IL17RE: variants seen among roughly 807,000 people sequenced by gnomAD.
The protein encoded by IL17RE is interleukin-17 receptor E.
In IL17RE, 47 loss-of-function variants were observed where a neutral mutation model predicts 70.7. The ratio of observed to expected loss-of-function variants is 0.67; its 90% CI spans 0.53 to 0.85. The LOEUF (loss-of-function observed/expected upper bound fraction) is 0.85. IL17RE is among the 40% of genes least tolerant of loss of function. IL17RE has a pLI of 0.00. For missense variants in IL17RE, 850 were observed against 893.9 expected, an observed-to-expected ratio of 0.95 and a Z score of 0.63; for synonymous variants, 372 against 381.2, an observed-to-expected ratio of 0.98 and a Z score of 0.28.
At position 9,915,525 on chromosome 3, in the gene IL17RE, C is replaced by A. The variant is rs921114092; in HGVS notation, c.1722C>A (p.Ala574=). 7.5e-7 allele frequency: 1 copy of A among 1,325,976 alleles called. No individual in the cohort carries two copies. 82.1% of individuals were successfully genotyped at this position (1,325,976 alleles called of 1,614,324 possible). The change falls in exon 16 of 16, where the codon GCC becomes GCA. Residue 574 remains alanine (A), a synonymous_variant. Coordinates refer to ENST00000383814, the MANE Select transcript of IL17RE (RefSeq NM_153480.2). This position sits in a 1 kb window ranked among gnomAD's most constrained non-coding sequence, Gnocchi z 4.9. The part of the protein sequence containing the change: ...LRPVSGPDPR[A]APLLALLHAA... ...CGGTCAGCGGCCCCGACCCCCGCGCCGCGCCCCTGCTCGCCCTGCTCCACG... is the reference window on the plus strand; with the variant it reads ...CGGTCAGCGGCCCCGACCCCCGCGCAGCGCCCCTGCTCGCCCTGCTCCACG...
At chr3:9,905,157 T>C (rs940182243) in intron 3 of IL17RE, among the ~76,000 whole-genome samples, 2 of 150,754 alleles carry the variant, frequency 1.3e-5, no homozygotes, top group Non-Finnish European at 3.0e-5. Flanking sequence ...TGTTTGTTGT[T>C]AGAAATAATG....
At position 9,906,358 on chromosome 3, in the gene IL17RE, G is replaced by A. The variant is rs747916488; in HGVS notation, c.269-6G>A. The A allele has an allele frequency of 8.0e-5, 128 of 1,605,384 alleles. No individual in the cohort carries two copies. The highest frequency in any genetic ancestry group is 1.0e-4 in the Non-Finnish European group (123 of 1,172,346). On this transcript the variant is annotated splice_region_variant and splice_polypyrimidine_tract_variant and intron_variant, in intron 3 of 15. Transcript: ENST00000383814. ...GCTAGATAGTAAGTACGTCTCCCCT[G>A]CACAGGTCTTCAACGGGGCCTCTTC... is the stretch of plus-strand genomic sequence containing the variant.
Position 9,911,309 on chromosome 3 carries a change from A to C in IL17RE, c.1072+9A>C. The C allele has an allele frequency of 6.2e-7, 1 of 1,614,178 alleles. No homozygotes were observed. Among genetic ancestry groups the C allele is most frequent in the Non-Finnish European group, 8.5e-7 (1 of 1,180,004 alleles). ...ATGCCCCCACCAGACTGGTGAGTCA[A>C]TAAGTGACCTCTGCTGGGACCCCCT... On this transcript the variant is annotated intron_variant, in intron 11 of 15. Transcript: ENST00000383814.
At chr3:9,910,377 A>AC (rs1559272606) in intron 8 of IL17RE, 2 of 158,468 alleles carry the variant, frequency 1.3e-5, no homozygotes, top group African/African-American at 4.9e-5. Flanking sequence ...AAAAAAAAAA[A>AC]CAAAAAACAG....
At chr3:9,914,057 G>C in intron 13 of IL17RE, 33 bp downstream of exon 13, 1 of 1,554,436 alleles carries the variant, frequency 6.4e-7, no homozygotes, top group East Asian at 2.2e-5. Flanking sequence ...TACATACAGA[G>C]CCTTGGCATC....
At position 9,915,179 on chromosome 3, in the gene IL17RE, G is replaced by A; in HGVS notation, c.1448-72G>A. On this transcript the variant is annotated intron_variant, in intron 15 of 15. Coordinates refer to ENST00000383814, the MANE Select transcript of IL17RE (RefSeq NM_153480.2). This position sits in a 1 kb window ranked among gnomAD's most constrained non-coding sequence, Gnocchi z 4.9. ...AGAGGCGAGCACCCTACGGTATCCC[G>A]AGAGGGTGGGGAGAAGAGGGCTGAG... The A allele has an allele frequency of 7.5e-7, 1 of 1,339,606 alleles. No homozygotes were observed. Among genetic ancestry groups the A allele is most frequent in the Non-Finnish European group, 9.5e-7 (1 of 1,048,610 alleles). 83.0% of individuals were successfully genotyped at this position (1,339,606 alleles called of 1,614,324 possible).
intron 13 of IL17RE, 31 bp from the exon 14 acceptor site, chr3:9,914,517 C>T (rs1341001681): frequency 1.2e-6 from 2 of 1,612,760 alleles, no homozygotes; most frequent in East Asian, 4.5e-5. Context: ...AGATGCCTGG[C>T]TCATAGGGGT....
chr3:9,913,138 C>T (rs2082931468), intron 12 of IL17RE, among the ~76,000 whole-genome samples: 1 of 152,176 alleles, frequency 6.6e-6, no homozygotes, highest in South Asian at 2.1e-4. Context: ...GGCGCAGTGG[C>T]TCACGCCTGT....
At chr3:9,905,189 C>T (rs994538344) in intron 3 of IL17RE, among the ~76,000 whole-genome samples, 14 of 149,988 alleles carry the variant, frequency 9.3e-5, no homozygotes, top group Non-Finnish European at 1.9e-4. Context: ...GGCACAGTGG[C>T]TTATGCCGGT....
chr3:9,913,140 C>T lies in IL17RE; in HGVS notation c.1228-816C>T, dbSNP rs113448477. Among the ~76,000 whole-genome samples, 968 of 152,268 alleles carry T rather than the reference C, an allele frequency of 6.4e-3. 8 individuals are homozygous for T. Among genetic ancestry groups the T allele is most frequent in the African/African-American group, 0.022 (913 of 41,534 alleles). On this transcript the variant is annotated intron_variant, in intron 12 of 15. Coordinates refer to ENST00000383814, the MANE Select transcript of IL17RE (RefSeq NM_153480.2). ...AGAAAGTAGGCCAGGCGCAGTGGCT[C>T]ACGCCTGTAATTCCAGCATTTTGGG... is the stretch of plus-strand genomic sequence containing the variant.
chr3:9,902,834 C>T (rs2082666316), upstream of IL17RE: 9 of 1,599,948 alleles, frequency 5.6e-6, no homozygotes, highest in African/African-American at 1.3e-5. Flanking sequence ...GGGGCGAGGG[C>T]TCCTGCTGGT....
intron 3 of IL17RE, among the ~76,000 whole-genome samples, chr3:9,905,561 C>G (rs2082733626): frequency 6.6e-6 from 1 of 152,134 alleles, no homozygotes; most frequent in South Asian, 2.1e-4. Context: ...TGGCTCACGC[C>G]TGTAATCCCA....
chr3:9,906,932 C>A (rs755019849), intron 5 of IL17RE, 29 bp from the exon 6 acceptor site: 2 of 1,613,998 alleles, frequency 1.2e-6, no homozygotes, highest in African/African-American at 1.3e-5. Flanking sequence ...GGCCAAGAGA[C>A]AAGGCCACTG....
Position 9,911,576 on chromosome 3 carries a change from C to T in IL17RE, c.1206C>T (p.Pro402=). The change falls in exon 12 of 16, where the codon CCC becomes CCT. Residue 402 remains proline, a synonymous_variant. Coordinates refer to ENST00000383814, the MANE Select transcript of IL17RE (RefSeq NM_153480.2). ...LPGLGQDTLV[P]PVYTVSQARG... ...GCTTGGGGCAGGACACTTTGGTGCC[C>T]CCCGTGTACACTGTCAGCCAGGTAT... The T allele has an allele frequency of 6.2e-7, 1 of 1,613,656 alleles. No homozygotes were observed. The highest frequency in any genetic ancestry group is 1.1e-5 in the South Asian group (1 of 91,088).
intron 13 of IL17RE, 132 bp downstream of exon 13, chr3:9,914,156 A>G: frequency 1.3e-6 from 1 of 767,370 alleles, no homozygotes; most frequent in South Asian, 1.7e-5. Flanking sequence ...GAAATTGCTT[A>G]CCACCATTTA....
At chr3:9,908,773 G>A (rs946952424) in intron 7 of IL17RE, among the ~76,000 whole-genome samples, 1 of 152,192 alleles carries the variant, frequency 6.6e-6, no homozygotes, top group Non-Finnish European at 1.5e-5. Context: ...AAAGGCAAGG[G>A]AAATTGTCAC....
chr3:9,911,544 C>G lies in IL17RE; in HGVS notation c.1174C>G (p.Leu392Val), dbSNP rs777485408. 6.2e-7 allele frequency: 1 copy of G among 1,614,196 alleles called. No homozygotes were observed. Among genetic ancestry groups the G allele is most frequent in the African/African-American group, 1.3e-5 (1 of 75,060 alleles). The change falls in exon 12 of 16, where the codon CTC (leucine) becomes GTC (valine). Residue 392 changes from leucine to valine, a missense_variant. By Grantham distance (32) the Leu-to-Val change is conservative. Transcript: ENST00000383814. ...TGCCACCTTCAGTGCTGCCTGGAGC[C>G]TCCCAGGCTTGGGGCAGGACACTTT... ...MHATFSAAWSLPGLGQDTLVP... is the reference protein window; with the variant it reads ...MHATFSAAWSVPGLGQDTLVP...
intron 1 of IL17RE, 161 bp from the exon 2 acceptor site, chr3:9,903,236 C>G (rs924906671): frequency 2.9e-5 from 28 of 975,022 alleles, no homozygotes; most frequent in Non-Finnish European, 4.1e-5. Flanking sequence ...AGGGCCTGGA[C>G]AGGGTGGAGC....
In IL17RE at chr3:9,915,718, C is replaced by T; in HGVS notation, c.1915C>T (p.Arg639Cys). 7.0e-7 allele frequency: 1 copy of T among 1,422,810 alleles called. No individual in the cohort carries two copies. Among genetic ancestry groups the T allele is most frequent in the Non-Finnish European group, 9.1e-7 (1 of 1,100,484 alleles). 88.1% of individuals were successfully genotyped at this position (1,422,810 alleles called of 1,614,324 possible). Residue 639 changes from arginine to cysteine, a missense_variant, in exon 16 of 16, where the codon CGC becomes TGC. Transcript: ENST00000383814. This position sits in a 1 kb window ranked among gnomAD's most constrained non-coding sequence, Gnocchi z 4.9. Reference protein sequence around the residue: ...RPFAEATSWGRLGARQRRQSR... With the variant: ...RPFAEATSWGCLGARQRRQSR... ...TTTCGCAGAGGCCACCAGCTGGGGC[C>T]GCCTTGGGGCGCGGCAGCGCAGGCA...
Sources: gnomAD v4.1 joint callset for allele counts (sites outside exome capture counted in the v4.1 genomes callset) on GRCh38, gnomAD v4.1.1 for gene constraint, Gnocchi (gnomAD v3.1) non-coding constraint, MANE v1.5 for transcripts, NCBI Gene and HGNC (gene_info 2026-07-23, HGNC 2026-07-21) for gene names.